The following DTNA variants were observed in gnomAD, a reference collection of about 807,000 sequenced individuals.
DTNA encodes dystrobrevin alpha.
Under a neutral mutation model 100.7 loss-of-function variants are expected in DTNA, and 43 were observed. That is an observed-to-expected ratio of 0.43 (90% confidence interval 0.33 to 0.55). DTNA has a LOEUF of 0.55. Ranked by LOEUF, DTNA falls within the 20% of genes least tolerant of loss-of-function variation. The probability of loss-of-function intolerance (pLI) is 0.04; values close to 1 mark genes in which losing one functional copy is unlikely to be tolerated. For missense variants in DTNA, 798 were observed against 953.9 expected (o/e 0.84, Z 2.15); for synonymous variants, 349 against 347.9 (o/e 1.00, Z -0.04).
intron 1 of DTNA, among the ~76,000 whole-genome samples, chr18:34,674,989 G>T (rs2077224015): frequency 6.6e-6 from 1 of 152,090 alleles, no homozygotes; most frequent in South Asian, 2.1e-4. Context: ...TAGAGTTGGA[G>T]GAAGCTTCAA....
At chr18:34,575,640 ATTTTT>A (rs1294371005) in intron 1 of DTNA, among the ~76,000 whole-genome samples, 1 of 152,088 alleles carries the variant, frequency 6.6e-6, no homozygotes, top group African/African-American at 2.4e-5. Flanking sequence ...TTTCATCGAA[ATTTTT>A]CTTTAATACT....
chr18:34,507,521 A>G (rs1330802214), intron 1 of DTNA, among the ~76,000 whole-genome samples: 1 of 152,178 alleles, frequency 6.6e-6, no homozygotes, highest in East Asian at 1.9e-4. Flanking sequence ...AGATGGAGCT[A>G]AGAATTCTCT....
rs147073185 is a variant in DTNA at position 34,656,058 on chromosome 18, A to G, written c.-1-99918A>G. Among the ~76,000 whole-genome samples, 278 of 152,358 alleles carry G rather than the reference A, an allele frequency of 1.8e-3. 2 individuals carry two copies. The highest frequency in any genetic ancestry group is 6.2e-3 in the African/African-American group (259 of 41,592). ...TGCTTCTCTTGCTGCAGATGAATGAATCAAATTATGTGAATATATTTTATG... is the reference window on the plus strand; with the variant it reads ...TGCTTCTCTTGCTGCAGATGAATGAGTCAAATTATGTGAATATATTTTATG... On this transcript the variant is annotated intron_variant, in intron 1 of 19. Coordinates refer to the DTNA transcript ENST00000283365.
chr18:34,624,357 A>C (rs188966987), intron 1 of DTNA, among the ~76,000 whole-genome samples: 1 of 152,336 alleles, frequency 6.6e-6, no homozygotes. Context: ...TAACATTTCT[A>C]TAGAAAGTAC....
chr18:34,824,288 A>T (rs2095799121), intron 9 of DTNA, among the ~76,000 whole-genome samples: 1 of 152,122 alleles, frequency 6.6e-6, no homozygotes, highest in Non-Finnish European at 1.5e-5. Context: ...ATCCTGGTTA[A>T]CACGATGAAA....
At chr18:34,616,669 TTAA>T (rs1380543962) in intron 1 of DTNA, among the ~76,000 whole-genome samples, 8 of 152,180 alleles carry the variant, frequency 5.3e-5, no homozygotes, top group African/African-American at 1.9e-4. Flanking sequence ...AACAATGTCA[TTAA>T]TAGTTTGATA....
chr18:34,583,326 G>A (rs113757280), intron 1 of DTNA, among the ~76,000 whole-genome samples: 1,635 of 152,186 alleles, frequency 0.011, 11 homozygotes, highest in Admixed American at 0.021. Context: ...TGTTGCCCCC[G>A]TTGGCCCCCA....
chr18:34,711,640 CAA>C (rs980930961), intron 1 of DTNA, among the ~76,000 whole-genome samples: 4 of 152,102 alleles, frequency 2.6e-5, no homozygotes, highest in African/African-American at 9.7e-5. Flanking sequence ...TAAATTTTCC[CAA>C]GTTTGTTCAT....
intron 2 of DTNA, chr18:34,759,893 A>C (rs1361800958): frequency 6.6e-6 from 1 of 152,150 alleles, no homozygotes; most frequent in African/African-American, 2.4e-5. Flanking sequence ...ATGTCTGGCC[A>C]GGCTGGTCTC....
intron 4 of DTNA, among the ~76,000 whole-genome samples, chr18:34,795,962 T>A (rs1373214350): frequency 6.6e-6 from 1 of 152,218 alleles, no homozygotes; most frequent in East Asian, 1.9e-4. Flanking sequence ...TCAAGATTGA[T>A]GAAAAGCTAA....
chr18:34,731,132 A>C (rs1052827843), intron 1 of DTNA, among the ~76,000 whole-genome samples: 2 of 152,236 alleles, frequency 1.3e-5, no homozygotes, highest in African/African-American at 4.8e-5. Flanking sequence ...TAAATAGAAA[A>C]AAAGGGTTAT....
intron 13 of DTNA, among the ~76,000 whole-genome samples, chr18:34,842,181 A>G (rs2096280915): frequency 6.6e-6 from 1 of 152,174 alleles, no homozygotes; most frequent in African/African-American, 2.4e-5. Flanking sequence ...AAACCAGCCC[A>G]GAACTTCTAC....
chr18:34,703,222 T>C (rs1401110217), intron 1 of DTNA, among the ~76,000 whole-genome samples: 1 of 152,162 alleles, frequency 6.6e-6, no homozygotes, highest in Non-Finnish European at 1.5e-5. Flanking sequence ...CGTTCCTACA[T>C]GTACTACAAA....
At chr18:34,549,336 C>T (rs1480015248) in intron 1 of DTNA, among the ~76,000 whole-genome samples, 5 of 152,052 alleles carry the variant, frequency 3.3e-5, no homozygotes, top group East Asian at 1.9e-4. Flanking sequence ...ATTTTATAAT[C>T]GAAGCATTTC....
intron 1 of DTNA, among the ~76,000 whole-genome samples, chr18:34,551,779 T>C (rs1388073907): frequency 6.6e-6 from 1 of 152,174 alleles, no homozygotes; most frequent in Non-Finnish European, 1.5e-5. Flanking sequence ...TCACATTGCA[T>C]CCCTGTACCA....
chr18:34,502,140 T>G (rs1347287792), intron 1 of DTNA, among the ~76,000 whole-genome samples: 1 of 152,218 alleles, frequency 6.6e-6, no homozygotes, highest in African/African-American at 2.4e-5. Context: ...TCATTTAAGT[T>G]GTCAAATTTA....
At chr18:34,724,779 G>C (rs1363134468) in intron 1 of DTNA, among the ~76,000 whole-genome samples, 1 of 152,112 alleles carries the variant, frequency 6.6e-6, no homozygotes, top group African/African-American at 2.4e-5. Flanking sequence ...GGAGGGGTCA[G>C]ATCCTAGGCA....
At chr18:34,810,486 A>T (rs1222896388) in intron 5 of DTNA, among the ~76,000 whole-genome samples, 7 of 152,058 alleles carry the variant, frequency 4.6e-5, no homozygotes, top group African/African-American at 1.7e-4. Context: ...AAAAAAAAAA[A>T]ACTGAACTCA....
chr18:34,778,200 G>A (rs2094149797), intron 3 of DTNA, among the ~76,000 whole-genome samples: 1 of 152,130 alleles, frequency 6.6e-6, no homozygotes, highest in Non-Finnish European at 1.5e-5. Context: ...ATACATAGAA[G>A]CTCCTACAGG....
Sources: gnomAD v4.1 joint callset for allele counts (sites outside exome capture counted in the v4.1 genomes callset) on GRCh38, gnomAD v4.1.1 for gene constraint, MANE v1.5 for transcripts, NCBI Gene and HGNC (gene_info 2026-07-23, HGNC 2026-07-21) for gene names.